Variants in BRF2 observed in about 807,000 individuals in gnomAD.
BRF2 encodes transcription factor IIIB 50 kDa subunit.
Under a neutral mutation model 26.6 loss-of-function variants are expected in BRF2, and 17 were observed. The observed-to-expected ratio is 0.64, with a 90% CI of 0.44 to 0.96. BRF2 has a LOEUF of 0.96. Among genes scored for constraint, BRF2 ranks in the 40% least tolerant of loss-of-function variants. The pLI, the probability that BRF2 is intolerant of heterozygous loss-of-function variation, is 0.00. For synonymous variants in BRF2, 219 were observed against 226.6 expected (o/e 0.97, Z 0.30); for missense variants, 515 against 537.0 (o/e 0.96, Z 0.40).
chr8:37,849,530 T>C (rs936178585), intron 1 of BRF2, 100 bp downstream of exon 1: 9 of 965,052 alleles, frequency 9.3e-6, no homozygotes, highest in Non-Finnish European at 1.3e-5. Context: ...TCAAATTAAG[T>C]GTGTGCGTTA....
In BRF2 at chr8:37,846,973, G is replaced by A. The variant is rs1805971106; in HGVS notation, c.417C>T (p.Cys139=). 2.5e-6 allele frequency: 4 copies of A among 1,614,212 alleles called. No individual in the cohort carries two copies. Among genetic ancestry groups the A allele is most frequent in the Non-Finnish European group, 3.4e-6 (4 of 1,180,020 alleles). ...HNWPLTMGAI[C]TLLYADLDVF... Reference sequence around the variant, plus strand: ...CATCCAAATCTGCATACAACAGCGTGCAGATGGCCCCCATTGTTAGGGGCC... The same window carrying A: ...CATCCAAATCTGCATACAACAGCGTACAGATGGCCCCCATTGTTAGGGGCC... The change falls in exon 3 of 4, where the codon TGC becomes TGT. Residue 139 remains cysteine (C), a synonymous_variant. Coordinates refer to ENST00000220659, the MANE Select transcript of BRF2 (RefSeq NM_018310.4).
rs1363384329 is a variant in BRF2 at position 37,844,997 on chromosome 8, AC to A, written c.752del (p.Cys251LeufsTer36). On this transcript the variant is annotated frameshift_variant, in exon 4 of 4. Coordinates refer to ENST00000220659, the MANE Select transcript of BRF2 (RefSeq NM_018310.4). LOFTEE classifies it low-confidence loss of function (END_TRUNC). ...AGGGCAGGTCCACATTTGCCAATTT[AC>A]AAAATCGGGCAAGGGAACATGAAAG... Reference protein sequence around the residue: ...DRLSCSLARFCKLANVDLPYP... With the variant: ...DRLSCSLARFXKLANVDLPYP... 2.5e-6 allele frequency: 4 copies of A among 1,613,966 alleles called. No homozygotes were observed. Among genetic ancestry groups the A allele is most frequent in the Non-Finnish European group, 3.4e-6 (4 of 1,179,982 alleles).
At chr8:37,848,838 T>C (rs1423981382) in intron 1 of BRF2, among the ~76,000 whole-genome samples, 183 bp from the exon 2 acceptor site, 1 of 152,226 alleles carries the variant, frequency 6.6e-6, no homozygotes, top group Middle Eastern at 3.2e-3. Flanking sequence ...TGGGAAAGGT[T>C]AGGACTGCAT....
chr8:37,846,753 G>T, intron 3 of BRF2, 101 bp downstream of exon 3: 4 of 850,300 alleles, frequency 4.7e-6, no homozygotes, highest in Non-Finnish European at 3.7e-6. Context: ...GGTGATAAGA[G>T]CAAGACTCCA....
Position 37,843,576 on chromosome 8 carries a change from GGAA to G in BRF2, c.*911_*913del, listed in dbSNP as rs1274764324. ...GAAACCGAGGGAACCCTGGGTCTTG[GGAA>G]GAACAACAGGAAACCAAGGTCTGAC... On this transcript the variant is annotated 3_prime_UTR_variant, in exon 4 of 4. Transcript: ENST00000220659. 1.3e-5 allele frequency: 2 copies of G among 152,130 alleles called. No individual in the cohort carries two copies. The highest frequency in any genetic ancestry group is 1.5e-5 in the Non-Finnish European group (1 of 68,036). The allele number at this position is 152,130 out of a possible 1,614,324, so 9.4% of individuals were successfully genotyped here.
rs34143363 is a variant in BRF2, at chr8:37,849,642, C to A, written c.142G>T (p.Gly48Cys). ...GGGCCACAAGTACCTCGGAGATTGC[C>A]CTCGTCGCTGAAGGTAGTGGTAAGG... ...GVLTTTFSDE[G>C]NLREVTYSRS... Residue 48 changes from glycine (G) to cysteine (C), a missense_variant, in exon 1 of 4, where the codon GGC (glycine) becomes TGC (cysteine). Gly to Cys is a radical substitution (Grantham distance 159). Coordinates refer to ENST00000220659, the MANE Select transcript of BRF2 (RefSeq NM_018310.4). 6 of 1,613,220 alleles carry A rather than the reference C, an allele frequency of 3.7e-6. No individual in the cohort carries two copies. The highest frequency in any genetic ancestry group is 5.1e-6 in the Non-Finnish European group (6 of 1,179,706).
At chr8:37,847,266 A>C (rs1331231618) in intron 2 of BRF2, 91 bp from the exon 3 acceptor site, 2 of 1,149,520 alleles carry the variant, frequency 1.7e-6, no homozygotes, top group African/African-American at 1.5e-5. Context: ...TAGATCTGCT[A>C]AACTTGCCTC....
Position 37,844,933 on chromosome 8 carries a change from G to A in BRF2, c.817C>T (p.Leu273=), listed in dbSNP as rs767771732. The A allele has an allele frequency of 1.2e-6, 2 of 1,614,178 alleles. No individual in the cohort carries two copies. The highest frequency in any genetic ancestry group is 1.3e-5 in the African/African-American group (1 of 75,074). Residue 273 remains leucine (L), a synonymous_variant, in exon 4 of 4, where the codon CTG becomes TTG. Coordinates refer to ENST00000220659, the MANE Select transcript of BRF2 (RefSeq NM_018310.4). ...SSRLQELLAV[L]LRMAEQLAWL... ...GCCAGCTGCTCAGCCATCCGCAGCA[G>A]CACAGCCAGCAGCTCCTGCAGGCGG...
Position 37,845,194 on chromosome 8 carries a change from A to T in BRF2, c.556T>A (p.Ser186Thr). 2 of 1,611,714 alleles carry T rather than the reference A, an allele frequency of 1.2e-6. 1 individual carries two copies. The highest frequency in any genetic ancestry group is 1.7e-6 in the Non-Finnish European group (2 of 1,178,588). ...ACGTATTTGGCTGGCACAGAAGGTG[A>T]AGCTTGGAACAGTTTGAAGCTGAAA... ...YCSSFKLFQA[S>T]PSVPAKYVED... Residue 186 changes from serine to threonine, a missense_variant, in exon 4 of 4, where the codon TCA becomes ACA. Transcript: ENST00000220659.
At position 37,848,651 on chromosome 8, in the gene BRF2, T is replaced by C; in HGVS notation, c.159A>G (p.Val53=). Residue 53 remains valine, a synonymous_variant, in exon 2 of 4, where the codon GTA becomes GTG. Transcript: ENST00000220659. ...TTTCCCCTGTGCTTCGGGAATATGT[T>C]ACCTCTGTAAGATAATAAACAACAA... ...TFSDEGNLRE[V]TYSRSTGENE... 1 of 1,613,680 alleles carries C rather than the reference T, an allele frequency of 6.2e-7. No individual in the cohort carries two copies. Among genetic ancestry groups the C allele is most frequent in the Non-Finnish European group, 8.5e-7 (1 of 1,179,528 alleles).
chr8:37,847,077 C>T lies in BRF2; in HGVS notation c.313G>A (p.Gly105Ser), dbSNP rs764604280. The T allele has an allele frequency of 1.2e-6, 2 of 1,614,216 alleles. No homozygotes were observed. Among genetic ancestry groups the T allele is most frequent in the Non-Finnish European group, 1.7e-6 (2 of 1,180,038 alleles). ...TTTTGCAGCCTGGCCGCTCGGATGC[C>T]AGAGTGCCGATATGCCTGTTGGTAG... ...AYYQQAYRHS[G>S]IRAARLQKKE... The change falls in exon 3 of 4, where the codon GGC (glycine) becomes AGC (serine). Residue 105 changes from glycine to serine, a missense_variant. Physicochemically the swap from Gly to Ser is moderately conservative, Grantham distance 56. Coordinates refer to ENST00000220659, the MANE Select transcript of BRF2 (RefSeq NM_018310.4).
chr8:37,843,576 G>A lies in BRF2; in HGVS notation c.*914C>T, dbSNP rs1805880944. 1 of 152,130 alleles carries A rather than the reference G, an allele frequency of 6.6e-6. No homozygotes were observed. The highest frequency in any genetic ancestry group is 1.5e-5 in the Non-Finnish European group (1 of 68,036). 9.4% of individuals were successfully genotyped at this position (152,130 alleles called of 1,614,324 possible). On this transcript the variant is annotated 3_prime_UTR_variant, in exon 4 of 4. Coordinates refer to ENST00000220659, the MANE Select transcript of BRF2 (RefSeq NM_018310.4). ...GAAACCGAGGGAACCCTGGGTCTTG[G>A]GAAGAACAACAGGAAACCAAGGTCT...
rs767275696 is a variant in BRF2 at position 37,849,668 on chromosome 8, A to T, written c.116T>A (p.Val39Asp). 6.2e-7 allele frequency: 1 copy of T among 1,613,016 alleles called. No homozygotes were observed. Among genetic ancestry groups the T allele is most frequent in the South Asian group, 1.1e-5 (1 of 91,028 alleles). The change falls in exon 1 of 4, where the codon GTC becomes GAC. Residue 39 changes from valine (V) to aspartate (D), a missense_variant. Val to Asp is a radical substitution (Grantham distance 152, BLOSUM62 -3). Transcript: ENST00000220659. ...CTCGTCGCTGAAGGTAGTGGTAAGG[A>T]CCCCCTCGGTGACCACGCAGCCGCA... is the stretch of plus-strand genomic sequence containing the variant. The part of the protein sequence containing the change: ...SDCGCVVTEG[V>D]LTTTFSDEGN...
At position 37,848,603 on chromosome 8, in the gene BRF2, C is replaced by G; in HGVS notation, c.207G>C (p.Gln69His). 1 of 1,614,092 alleles carries G rather than the reference C, an allele frequency of 6.2e-7. No homozygotes were observed. The highest frequency in any genetic ancestry group is 8.5e-7 in the Non-Finnish European group (1 of 1,179,928). ...TGENEQVSRS[Q>H]QRGLRRVRDL... ...TAAAAGGTCAATTCTCACCTCGTTG[C>G]TGGCTGCGACTAACTTGTTCGTTTT... is the stretch of plus-strand genomic sequence containing the variant. Residue 69 changes from glutamine (Q) to histidine (H), a missense_variant, in exon 2 of 4, where the codon CAG (glutamine) becomes CAC (histidine). Gln to His is a conservative substitution (Grantham distance 24, BLOSUM62 0). Transcript: ENST00000220659.
chr8:37,849,014 C>T (rs1420204803), intron 1 of BRF2, among the ~76,000 whole-genome samples: 11 of 152,228 alleles, frequency 7.2e-5, no homozygotes, highest in South Asian at 2.1e-4. Context: ...CCTTCAACTT[C>T]CAGGCTCAAG....
At position 37,843,569 on chromosome 8, in the gene BRF2, G is replaced by C. The variant is rs905554506; in HGVS notation, c.*921C>G. On this transcript the variant is annotated 3_prime_UTR_variant, in exon 4 of 4. Coordinates refer to ENST00000220659, the MANE Select transcript of BRF2 (RefSeq NM_018310.4). ...CCAAATGGAAACCGAGGGAACCCTGGGTCTTGGGAAGAACAACAGGAAACC... is the reference window on the plus strand; with the variant it reads ...CCAAATGGAAACCGAGGGAACCCTGCGTCTTGGGAAGAACAACAGGAAACC... 1.3e-5 allele frequency: 2 copies of C among 152,142 alleles called. No individual in the cohort carries two copies. Among genetic ancestry groups the C allele is most frequent in the Non-Finnish European group, 2.9e-5 (2 of 68,028 alleles). The allele number at this position is 152,142 out of a possible 1,614,324, so 9.4% of individuals were successfully genotyped here. A position where few individuals can be genotyped will look rare whatever the true frequency, so the allele number is the denominator to read the frequency against.
intron 2 of BRF2, among the ~76,000 whole-genome samples, chr8:37,848,114 T>C (rs1451067639): frequency 1.3e-5 from 2 of 150,970 alleles, no homozygotes; most frequent in African/African-American, 4.9e-5. Flanking sequence ...CACGCCCGGC[T>C]AATTTTTTTG....
In BRF2 at chr8:37,849,791, C is replaced by G. The variant is rs1806036952; in HGVS notation, c.-8G>C. 6.2e-7 allele frequency: 1 copy of G among 1,603,894 alleles called. No individual in the cohort carries two copies. Reference sequence around the variant, plus strand: ...GCGGCCTCTGCCTGGCATCTCACAACCGGCCCCAAAGCCGCGGAAGCCTTC... The same window carrying G: ...GCGGCCTCTGCCTGGCATCTCACAAGCGGCCCCAAAGCCGCGGAAGCCTTC... On this transcript the variant is annotated 5_prime_UTR_variant, in exon 1 of 4. Transcript: ENST00000220659.
intron 3 of BRF2, 85 bp downstream of exon 3, chr8:37,846,765 GAAAA>G (rs879152700): frequency 3.9e-6 from 3 of 764,742 alleles, no homozygotes; most frequent in Admixed American, 2.7e-5. Context: ...AAGACTCCAA[GAAAA>G]AAAAAAAGAG....
Sources: allele counts gnomAD v4.1 joint callset (sites outside exome capture counted in the v4.1 genomes callset), GRCh38; gene constraint gnomAD v4.1.1; transcripts MANE v1.5; gene names NCBI Gene and HGNC (gene_info 2026-07-23, HGNC 2026-07-21).